Variants in TMEM135 observed in about 807,000 individuals in gnomAD.
TMEM135 encodes transmembrane protein 135.
A neutral mutation model predicts 60.3 loss-of-function variants in TMEM135; 30 were observed. The observed-to-expected ratio is 0.50, with a 90% CI of 0.37 to 0.68. The LOEUF (loss-of-function observed/expected upper bound fraction) is 0.68, where lower values mean the gene tolerates loss of function less well. Among genes scored for constraint, TMEM135 ranks in the 30% least tolerant of loss-of-function variants. The pLI is 0.00. For missense variants in TMEM135, 468 were observed against 548.8 expected (o/e 0.85, Z 1.47); for synonymous variants, 190 against 186.7 (o/e 1.02, Z -0.14).
chr11:87,307,772 T>C (rs117001244), intron 9 of TMEM135, among the ~76,000 whole-genome samples: 5,474 of 152,290 alleles, frequency 0.036, 91 homozygotes, highest in Admixed American at 0.046. Flanking sequence ...CTCATTATTT[T>C]ACAAACTTAA....
At chr11:87,257,645 G>C (rs1034634076) in intron 6 of TMEM135, among the ~76,000 whole-genome samples, 13 of 152,132 alleles carry the variant, frequency 8.5e-5, no homozygotes, top group African/African-American at 3.1e-4. Flanking sequence ...ATATTTATAT[G>C]ATTCTATTTA....
At chr11:87,175,016 A>C (rs1332244958) in intron 5 of TMEM135, among the ~76,000 whole-genome samples, 4 of 152,190 alleles carry the variant, frequency 2.6e-5, no homozygotes, top group African/African-American at 9.6e-5. Flanking sequence ...AAAAGGCTTC[A>C]AGAAGGTTGT....
intron 6 of TMEM135, among the ~76,000 whole-genome samples, chr11:87,250,955 T>C (rs1941404112): frequency 1.3e-5 from 2 of 152,120 alleles, no homozygotes; most frequent in African/African-American, 4.8e-5. Context: ...GACCAAAACT[T>C]ATGGCAATGA....
chr11:87,228,946 C>G (rs1381450538), intron 5 of TMEM135, among the ~76,000 whole-genome samples: 1 of 152,006 alleles, frequency 6.6e-6, no homozygotes, highest in Non-Finnish European at 1.5e-5. Flanking sequence ...TCGTGTAATT[C>G]TACATGACAT....
In TMEM135 at chr11:87,047,351, C is replaced by G. The variant is rs535888519; in HGVS notation, c.141+9165C>G. On this transcript the variant is annotated intron_variant, in intron 1 of 14. Transcript: ENST00000305494. ...ATAGGAACAGCTCCGGTCTACAGCT[C>G]CCAGCGTGAGCGACGCAGAAGACGG... Among the ~76,000 whole-genome samples, 29 of 152,032 alleles carry G rather than the reference C, an allele frequency of 1.9e-4. No homozygotes were observed. The South Asian group carries it at 6.0e-3, about 32-fold the overall frequency.
chr11:87,052,659 A>T (rs1949847720), intron 1 of TMEM135, among the ~76,000 whole-genome samples: 1 of 105,714 alleles, frequency 9.5e-6, no homozygotes. Flanking sequence ...AAAAGTCAGG[A>T]AACAACAGGT....
chr11:87,235,035 G>C (rs1565495936), intron 5 of TMEM135, among the ~76,000 whole-genome samples: 1 of 151,908 alleles, frequency 6.6e-6, no homozygotes, highest in Non-Finnish European at 1.5e-5. Context: ...TGGGAAGGAT[G>C]ACATTGTCCA....
chr11:87,320,362 C>T (rs1942800262), intron 14 of TMEM135, among the ~76,000 whole-genome samples: 1 of 152,262 alleles, frequency 6.6e-6, no homozygotes, highest in Non-Finnish European at 1.5e-5. Context: ...AGATCCTTTA[C>T]ATTGTTATTG....
In TMEM135 at chr11:87,326,750, T is replaced by A; in HGVS notation, c.*5417T>A. 2 of 444,474 alleles carry A rather than the reference T, an allele frequency of 4.5e-6. No individual in the cohort carries two copies. The highest frequency in any genetic ancestry group is 8.9e-6 in the Non-Finnish European group (2 of 224,378). 27.5% of individuals were successfully genotyped at this position (444,474 alleles called of 1,614,324 possible). On this transcript the variant is annotated 3_prime_UTR_variant, in exon 15 of 15. Coordinates refer to ENST00000305494, the MANE Select transcript of TMEM135 (RefSeq NM_022918.4). Reference sequence around the variant, plus strand: ...CAGGGAAAATTGAAGGTAAATAATATCTGCAAAGCTTCAGGAAGAAATTCA... The same window carrying A: ...CAGGGAAAATTGAAGGTAAATAATAACTGCAAAGCTTCAGGAAGAAATTCA...
chr11:87,054,771 C>T (rs946537849), intron 1 of TMEM135, among the ~76,000 whole-genome samples: 3 of 152,012 alleles, frequency 2.0e-5, no homozygotes, highest in Non-Finnish European at 4.4e-5. Flanking sequence ...ATTTTTAAAC[C>T]TTGAAAGAAA....
chr11:87,324,601 A>AT lies in TMEM135; in HGVS notation c.*3278dup, dbSNP rs754905361. Reference sequence around the variant, plus strand: ...TGCCTGGCTAATATTTATTTTATTTATTTTTTTTTTGTAGAAACAAGGTGT... The same window carrying AT: ...TGCCTGGCTAATATTTATTTTATTTATTTTTTTTTTTGTAGAAACAAGGTGT... On this transcript the variant is annotated 3_prime_UTR_variant, in exon 15 of 15. Coordinates refer to ENST00000305494, the MANE Select transcript of TMEM135 (RefSeq NM_022918.4). The AT allele has an allele frequency of 4.5e-3, 1,762 of 389,876 alleles. 5 individuals are homozygous for AT. Among genetic ancestry groups the AT allele is most frequent in the African/African-American group, 0.019 (867 of 46,444 alleles). 24.2% of individuals were successfully genotyped at this position (389,876 alleles called of 1,614,324 possible).
rs547958915 is a variant in TMEM135, at chr11:87,085,965, C to T, written c.363-5397C>T. Among the ~76,000 whole-genome samples the T allele has an allele frequency of 6.6e-5, 10 of 152,222 alleles. 1 individual carries two copies. In the South Asian group the frequency reaches 1.9e-3, roughly 28 times the overall value. ...AGTAAGGATAATGGTATCTGCCTTA[C>T]ACTTCATGGTACTATTGGGTGGGTA... On this transcript the variant is annotated intron_variant, in intron 3 of 14. Transcript: ENST00000305494.
chr11:87,200,905 A>G (rs2135330430), intron 5 of TMEM135, among the ~76,000 whole-genome samples: 1 of 152,230 alleles, frequency 6.6e-6, no homozygotes, highest in African/African-American at 2.4e-5. Context: ...TTTCACTTTA[A>G]TATGTATTTA....
At chr11:87,287,287 A>G (rs1942183836) in intron 6 of TMEM135, among the ~76,000 whole-genome samples, 2 of 152,262 alleles carry the variant, frequency 1.3e-5, no homozygotes, top group Non-Finnish European at 2.9e-5. Flanking sequence ...TTGAGTGAAT[A>G]AAGATATATC....
At chr11:87,254,043 A>G (rs1941474863) in intron 6 of TMEM135, among the ~76,000 whole-genome samples, 2 of 152,112 alleles carry the variant, frequency 1.3e-5, no homozygotes, top group Admixed American at 6.6e-5. Context: ...ATATATAACA[A>G]TCTGTTACCT....
intron 5 of TMEM135, among the ~76,000 whole-genome samples, chr11:87,228,457 G>A (rs2135364466): frequency 1.3e-5 from 2 of 152,262 alleles, no homozygotes; most frequent in Non-Finnish European, 2.9e-5. Context: ...TATGAATGAA[G>A]TACAGACGGC....
intron 6 of TMEM135, among the ~76,000 whole-genome samples, chr11:87,256,882 T>C (rs117447282): frequency 0.037 from 5,645 of 152,186 alleles, 145 homozygotes; most frequent in Admixed American, 0.051. Flanking sequence ...TCTTTCCTCC[T>C]GCCTTCACTT....
intron 1 of TMEM135, among the ~76,000 whole-genome samples, chr11:87,046,610 A>C (rs1949798760): frequency 6.6e-6 from 1 of 152,212 alleles, no homozygotes; most frequent in Non-Finnish European, 1.5e-5. Flanking sequence ...AATGACCATG[A>C]GACATTGAGA....
intron 5 of TMEM135, among the ~76,000 whole-genome samples, chr11:87,203,399 T>A (rs1210641923): frequency 6.6e-6 from 1 of 152,184 alleles, no homozygotes; most frequent in Non-Finnish European, 1.5e-5. Context: ...ATCAGTAATC[T>A]TACTGTCTCC....
Sources: allele counts gnomAD v4.1 joint callset (sites outside exome capture counted in the v4.1 genomes callset), GRCh38; gene constraint gnomAD v4.1.1; transcripts MANE v1.5; gene names NCBI Gene and HGNC (gene_info 2026-07-23, HGNC 2026-07-21).